EYS: variants seen among roughly 807,000 people sequenced by gnomAD.
EYS encodes the protein protein eyes shut homolog.
Under a neutral mutation model 282.1 loss-of-function variants are expected in EYS, and 250 were observed. The observed-to-expected ratio is 0.89, with a 90% CI of 0.80 to 0.98. EYS has a LOEUF of 0.98. Among genes scored for constraint, EYS ranks in the 50% least tolerant of loss-of-function variants. The pLI is 0.00. For missense variants in EYS, 4,016 were observed against 3,709.0 expected (o/e 1.08, Z -2.15); for synonymous variants, 1,355 against 1,282.9 (o/e 1.06, Z -1.20).
At chr6:64,648,312 A>G (rs936652404) in intron 22 of EYS, among the ~76,000 whole-genome samples, 3 of 152,320 alleles carry the variant, frequency 2.0e-5, no homozygotes, top group East Asian at 1.9e-4. Flanking sequence ...ACTCCCAGAA[A>G]AAGAACATCA....
intron 28 of EYS, among the ~76,000 whole-genome samples, chr6:64,390,075 A>C (rs1202088044): frequency 6.6e-6 from 1 of 152,008 alleles, no homozygotes; most frequent in Admixed American, 6.5e-5. Flanking sequence ...CGGGCTTAAA[A>C]AACGGCACAT....
At chr6:63,880,206 C>T (rs538377350) in intron 35 of EYS, among the ~76,000 whole-genome samples, 2 of 152,236 alleles carry the variant, frequency 1.3e-5, no homozygotes, top group East Asian at 1.9e-4. Flanking sequence ...GGGAGACAGA[C>T]CCACCCTTAA....
At chr6:63,921,205 T>C (rs1764565580) in intron 35 of EYS, among the ~76,000 whole-genome samples, 1 of 152,162 alleles carries the variant, frequency 6.6e-6, no homozygotes, top group Non-Finnish European at 1.5e-5. Flanking sequence ...ATGGGCTGTC[T>C]TCTTATCTGC....
intron 33 of EYS, among the ~76,000 whole-genome samples, chr6:64,008,108 T>C (rs566929322): frequency 6.6e-6 from 1 of 152,326 alleles, no homozygotes; most frequent in African/African-American, 2.4e-5. Context: ...TGTATGGTTA[T>C]CTAAAATTCT....
At chr6:64,007,657 G>C (rs962061380) in intron 33 of EYS, among the ~76,000 whole-genome samples, 3 of 152,044 alleles carry the variant, frequency 2.0e-5, no homozygotes, top group Non-Finnish European at 4.4e-5. Context: ...CACTGCTTTA[G>C]CTGTGCCCCA....
intron 15 of EYS, among the ~76,000 whole-genome samples, chr6:64,939,478 A>G (rs1456815100): frequency 6.6e-6 from 1 of 151,966 alleles, no homozygotes; most frequent in Non-Finnish European, 1.5e-5. Flanking sequence ...AGTATTTTGA[A>G]TTAAGCCTTG....
At chr6:63,999,920 C>A (rs2054589250) in intron 33 of EYS, among the ~76,000 whole-genome samples, 1 of 152,086 alleles carries the variant, frequency 6.6e-6, no homozygotes, top group Admixed American at 6.5e-5. Context: ...ATTACCCTGG[C>A]ACCTGCCATA....
chr6:64,683,702 G>C (rs1208148011), intron 22 of EYS, among the ~76,000 whole-genome samples: 2 of 152,132 alleles, frequency 1.3e-5, no homozygotes, highest in Admixed American at 6.5e-5. Flanking sequence ...AAAAAGCTCA[G>C]CAAATCCAAA....
chr6:64,369,236 C>G (rs547572472), intron 29 of EYS, among the ~76,000 whole-genome samples: 2 of 152,112 alleles, frequency 1.3e-5, no homozygotes, highest in East Asian at 1.9e-4. Context: ...TATAGGTGTA[C>G]AGCATTATTT....
At position 64,670,341 on chromosome 6, in the gene EYS, T is replaced by G. The variant is rs137954014; in HGVS notation, c.3444-44096A>C. ...CCTATTTCAACAGCCTTGAACGAAGTCTACATTGCCTGATTAACTTTGTCC... is the reference window on the plus strand; with the variant it reads ...CCTATTTCAACAGCCTTGAACGAAGGCTACATTGCCTGATTAACTTTGTCC... On this transcript the variant is annotated intron_variant, in intron 22 of 42. Coordinates refer to ENST00000503581, the MANE Select transcript of EYS (RefSeq NM_001142800.2). Among the ~76,000 whole-genome samples, 537 of 151,900 alleles carry G rather than the reference T, an allele frequency of 3.5e-3. 3 individuals carry two copies. The highest frequency in any genetic ancestry group is 0.013 in the African/African-American group (522 of 41,416).
chr6:64,137,286 G>A (rs140146519), intron 31 of EYS, among the ~76,000 whole-genome samples: 95 of 152,186 alleles, frequency 6.2e-4, no homozygotes, highest in Admixed American at 1.6e-3. Context: ...GATCCATCTG[G>A]ACCAAACTTT....
At chr6:65,083,737 T>C (rs1774287924) in intron 12 of EYS, among the ~76,000 whole-genome samples, 1 of 151,866 alleles carries the variant, frequency 6.6e-6, no homozygotes, top group Admixed American at 6.6e-5. Flanking sequence ...ATATTCCTTT[T>C]ATTGAGACTG....
At chr6:64,812,984 C>T (rs1211209144) in intron 22 of EYS, among the ~76,000 whole-genome samples, 1 of 151,836 alleles carries the variant, frequency 6.6e-6, no homozygotes, top group Non-Finnish European at 1.5e-5. Context: ...ATTAAGATCT[C>T]AGGAGATAGG....
intron 36 of EYS, among the ~76,000 whole-genome samples, chr6:63,838,223 CT>C (rs565597752): frequency 0.018 from 2,601 of 142,762 alleles, 70 homozygotes; most frequent in African/African-American, 0.057. Flanking sequence ...CTTTTCTTTT[CT>C]TTTTTTTTTT....
At chr6:64,666,539 A>C (rs1273242269) in intron 22 of EYS, among the ~76,000 whole-genome samples, 3 of 152,178 alleles carry the variant, frequency 2.0e-5, no homozygotes, top group Non-Finnish European at 4.4e-5. Context: ...CTTCAATCAC[A>C]CACTTCTTAA....
intron 35 of EYS, among the ~76,000 whole-genome samples, chr6:63,963,758 A>G (rs796311696): frequency 2.5e-4 from 38 of 152,354 alleles, no homozygotes; most frequent in African/African-American, 8.7e-4. Flanking sequence ...CCATTGGAGA[A>G]TATTTTTTCA....
At chr6:65,618,768 A>T (rs1187890708) in intron 2 of EYS, among the ~76,000 whole-genome samples, 1 of 152,200 alleles carries the variant, frequency 6.6e-6, no homozygotes, top group Non-Finnish European at 1.5e-5. Context: ...AGCTTTCTAC[A>T]TATGGCTAGC....
At chr6:65,191,599 G>A (rs1189663759) in intron 12 of EYS, among the ~76,000 whole-genome samples, 1 of 151,772 alleles carries the variant, frequency 6.6e-6, no homozygotes, top group African/African-American at 2.4e-5. Flanking sequence ...CAATTTCACG[G>A]CAATCAGCTA....
intron 5 of EYS, among the ~76,000 whole-genome samples, chr6:65,451,444 G>C (rs1764395045): frequency 6.6e-6 from 1 of 151,890 alleles, no homozygotes; most frequent in Non-Finnish European, 1.5e-5. Flanking sequence ...TGCCCCTTTA[G>C]CATCTAATAA....
Sources: allele counts gnomAD v4.1 joint callset (sites outside exome capture counted in the v4.1 genomes callset), GRCh38; gene constraint gnomAD v4.1.1; transcripts MANE v1.5; gene names NCBI Gene and HGNC (gene_info 2026-07-23, HGNC 2026-07-21).